Variants in SORBS2 observed in about 807,000 individuals in gnomAD.
SORBS2 encodes the protein sorbin and SH3 domain-containing protein 2.
Under a neutral mutation model 97.7 loss-of-function variants are expected in SORBS2, and 46 were observed. The observed-to-expected ratio is 0.47, with a 90% CI of 0.37 to 0.60. The LOEUF is 0.60. Ranked by LOEUF, SORBS2 falls within the 20% of genes least tolerant of loss-of-function variation. The pLI is 0.00. For synonymous variants in SORBS2, 476 were observed against 473.4 expected (o/e 1.01, Z -0.07); for missense variants, 1,316 against 1,282.3 (o/e 1.03, Z -0.40).
chr4:185,647,583 A>T (rs914500781), intron 3 of SORBS2, among the ~76,000 whole-genome samples: 2 of 152,002 alleles, frequency 1.3e-5, no homozygotes, highest in African/African-American at 2.4e-5. Flanking sequence ...CTGACTGTAG[A>T]TAGGGGTAAT....
At chr4:185,699,978 G>C (rs564971793) in intron 2 of SORBS2, among the ~76,000 whole-genome samples, 1 of 152,118 alleles carries the variant, frequency 6.6e-6, no homozygotes, top group South Asian at 2.1e-4. Context: ...ACCCTGTTCC[G>C]ACTGTGTCTG....
chr4:185,901,791 A>T (rs56304218), intron 1 of SORBS2, among the ~76,000 whole-genome samples: 19,293 of 152,272 alleles, frequency 0.13, 1,578 homozygotes, highest in Non-Finnish European at 0.18. Flanking sequence ...ATGTGAATTT[A>T]CTGGACAAGT....
At chr4:185,636,169 A>G (rs886376328) in intron 4 of SORBS2, among the ~76,000 whole-genome samples, 1 of 151,908 alleles carries the variant, frequency 6.6e-6, no homozygotes, top group Non-Finnish European at 1.5e-5. Context: ...GTCCCTATAA[A>G]CTTTCTAACC....
At chr4:185,823,440 A>G (rs538256473) in intron 1 of SORBS2, among the ~76,000 whole-genome samples, 18 of 152,326 alleles carry the variant, frequency 1.2e-4, no homozygotes, top group African/African-American at 4.3e-4. Flanking sequence ...CAGGAGGTAC[A>G]CTCAACAATA....
At chr4:185,588,665 A>C (rs1348805593) in intron 14 of SORBS2, among the ~76,000 whole-genome samples, 1 of 135,624 alleles carries the variant, frequency 7.4e-6, no homozygotes, top group Non-Finnish European at 1.5e-5. Context: ...CCCAGGCTGG[A>C]GTGCAGTGGC....
intron 6 of SORBS2, among the ~76,000 whole-genome samples, chr4:185,626,405 C>T (rs1450442839): frequency 3.3e-5 from 5 of 152,278 alleles, no homozygotes; most frequent in Admixed American, 2.0e-4. Context: ...TAAAACCCTC[C>T]AAACCAATGT....
chr4:185,591,718 C>A (rs1165063420), intron 13 of SORBS2, among the ~76,000 whole-genome samples: 1 of 152,136 alleles, frequency 6.6e-6, no homozygotes, highest in African/African-American at 2.4e-5. Context: ...CAGGCTTGAA[C>A]CCTGCCCAGG....
At chr4:185,758,533 T>G (rs1584282096) in intron 2 of SORBS2, among the ~76,000 whole-genome samples, 1 of 152,286 alleles carries the variant, frequency 6.6e-6, no homozygotes, top group Middle Eastern at 3.4e-3. Context: ...TCATTCAGTC[T>G]CAAGGCTTTA....
chr4:185,643,503 T>A (rs994349496), intron 4 of SORBS2, among the ~76,000 whole-genome samples: 49 of 152,232 alleles, frequency 3.2e-4, no homozygotes, highest in African/African-American at 1.2e-3. Flanking sequence ...TATAAAGATT[T>A]TCTAAAGATT....
chr4:185,884,406 T>C (rs753374410), intron 1 of SORBS2, among the ~76,000 whole-genome samples: 1 of 152,240 alleles, frequency 6.6e-6, no homozygotes. Flanking sequence ...GAATTCTTCT[T>C]CATGCATTTC....
upstream of SORBS2, chr4:185,657,400 G>A (rs1270238488): frequency 2.0e-6 from 3 of 1,517,486 alleles, no homozygotes; most frequent in African/African-American, 1.4e-5. Context: ...GCCCCAGACA[G>A]ACGCACACGC....
chr4:185,624,159 T>C, exon 7 of SORBS2: 2 of 1,614,230 alleles, frequency 1.2e-6, no homozygotes, highest in East Asian at 2.2e-5. Context: ...CCCCACGCCA[T>C]GGGGCAGCTC....
intron 2 of SORBS2, among the ~76,000 whole-genome samples, chr4:185,701,592 T>C (rs1463908581): frequency 6.6e-6 from 1 of 152,222 alleles, no homozygotes; most frequent in African/African-American, 2.4e-5. Flanking sequence ...TTGATTCTAG[T>C]TAATTATGTT....
At chr4:185,814,942 C>T (rs934821159) in intron 1 of SORBS2, among the ~76,000 whole-genome samples, 1 of 152,228 alleles carries the variant, frequency 6.6e-6, no homozygotes, top group African/African-American at 2.4e-5. Context: ...GACGTTTATT[C>T]TCCTTCCAAA....
At position 185,690,544 on chromosome 4, in the gene SORBS2, A is replaced by T. The variant is rs1166484335; in HGVS notation, c.-197-11722T>A. ...AGAGAGCAAGGCTAAAAGAGTTTAA[A>T]ACTAACAGACAGCATACCTGTGTTC... On this transcript the variant is annotated intron_variant, in intron 2 of 20. Coordinates refer to the SORBS2 transcript ENST00000284776. 1.3e-6 allele frequency: 2 copies of T among 1,506,280 alleles called. No individual in the cohort carries two copies. The highest frequency in any genetic ancestry group is 1.8e-6 in the Non-Finnish European group (2 of 1,114,316). 93.3% of individuals were successfully genotyped at this position (1,506,280 alleles called of 1,614,324 possible).
intron 2 of SORBS2, among the ~76,000 whole-genome samples, chr4:185,692,385 C>G (rs1372219206): frequency 6.6e-6 from 1 of 152,240 alleles, no homozygotes; most frequent in Admixed American, 6.5e-5. Flanking sequence ...TTGGCATGAT[C>G]ACCTGTCAAG....
At chr4:185,843,193 A>T (rs965033186) in intron 1 of SORBS2, among the ~76,000 whole-genome samples, 2 of 152,188 alleles carry the variant, frequency 1.3e-5, no homozygotes, top group African/African-American at 2.4e-5. Flanking sequence ...CAAAAGGAGG[A>T]TGATTCAATG....
At chr4:185,874,392 G>A (rs2099232134) in intron 1 of SORBS2, among the ~76,000 whole-genome samples, 1 of 152,162 alleles carries the variant, frequency 6.6e-6, no homozygotes, top group African/African-American at 2.4e-5. Flanking sequence ...TCTGTTCATT[G>A]GAATGCAAGC....
At chr4:185,624,944 A>T (rs768591735) in intron 6 of SORBS2, among the ~76,000 whole-genome samples, 1 of 152,224 alleles carries the variant, frequency 6.6e-6, no homozygotes, top group Non-Finnish European at 1.5e-5. Context: ...TTTGATTCGT[A>T]ATGATACATA....
Sources: allele counts gnomAD v4.1 joint callset (sites outside exome capture counted in the v4.1 genomes callset), GRCh38; gene constraint gnomAD v4.1.1; transcripts MANE v1.5; gene names NCBI Gene and HGNC (gene_info 2026-07-23, HGNC 2026-07-21).